Variants in NPAS3 observed in about 807,000 individuals in gnomAD.
The protein encoded by NPAS3 is neuronal PAS domain protein 3, also known as neuronal PAS domain-containing protein 3.
A neutral mutation model predicts 73.1 loss-of-function variants in NPAS3; 14 were observed. The observed-to-expected ratio is 0.19, with a 90% confidence interval of 0.13 to 0.30. The LOEUF is 0.30. Among genes scored for constraint, NPAS3 ranks in the 10% least tolerant of loss-of-function variants. The pLI is 1.00. For synonymous variants in NPAS3, 620 were observed against 541.5 expected (o/e 1.14, Z -2.01); for missense variants, 1,096 against 1,250.0 (o/e 0.88, Z 1.86).
intron 9 of NPAS3, among the ~76,000 whole-genome samples, chr14:33,784,729 A>ATTTT (rs1342325354): frequency 1.0e-4 from 9 of 90,178 alleles, no homozygotes; most frequent in African/African-American, 2.2e-4. Context: ...ATTTTTATTT[A>ATTTT]TTTATTTATT....
At chr14:33,282,210 A>G (rs2140067710) in intron 3 of NPAS3, among the ~76,000 whole-genome samples, 1 of 152,336 alleles carries the variant, frequency 6.6e-6, no homozygotes, top group East Asian at 1.9e-4. Flanking sequence ...TTCAGTTATA[A>G]AGTGGCTTGT....
At chr14:33,420,458 T>TGTGG (rs576989223) in intron 4 of NPAS3, among the ~76,000 whole-genome samples, 3 of 151,936 alleles carry the variant, frequency 2.0e-5, no homozygotes, top group Non-Finnish European at 4.4e-5. Flanking sequence ...TCTAACTGTA[T>TGTGG]GTGGATGCTC....
chr14:32,937,332 T>C (rs2035727811), upstream of NPAS3, among the ~76,000 whole-genome samples: 2 of 152,024 alleles, frequency 1.3e-5, no homozygotes, highest in Admixed American at 6.6e-5. Flanking sequence ...TTTTGAGGAG[T>C]CCGCCGCGGG....
At chr14:33,748,580 C>G (rs1324075207) in intron 7 of NPAS3, among the ~76,000 whole-genome samples, 1 of 152,170 alleles carries the variant, frequency 6.6e-6, no homozygotes, top group African/African-American at 2.4e-5. Flanking sequence ...AACAGAGTGC[C>G]TTAATAGGGG....
At chr14:33,575,098 C>A (rs2056381168) in intron 5 of NPAS3, among the ~76,000 whole-genome samples, 1 of 152,186 alleles carries the variant, frequency 6.6e-6, no homozygotes, top group Non-Finnish European at 1.5e-5. Flanking sequence ...TTAGGAGGTC[C>A]TGCCCCAAGA....
intron 5 of NPAS3, among the ~76,000 whole-genome samples, chr14:33,661,225 T>A (rs1216167311): frequency 6.6e-6 from 1 of 152,108 alleles, no homozygotes; most frequent in African/African-American, 2.4e-5. Context: ...CCCTGCTAAT[T>A]AAGGGTTCCT....
intron 3 of NPAS3, among the ~76,000 whole-genome samples, chr14:33,318,756 G>T (rs2043312688): frequency 6.6e-6 from 1 of 152,046 alleles, no homozygotes; most frequent in Admixed American, 6.6e-5. Flanking sequence ...ATCCTTAATA[G>T]TTAAATTAAC....
intron 4 of NPAS3, among the ~76,000 whole-genome samples, chr14:33,541,175 C>T (rs868826999): frequency 6.6e-6 from 1 of 151,408 alleles, no homozygotes; most frequent in East Asian, 2.0e-4. Context: ...CTGTAATCAG[C>T]AGTTCTAAGT....
At chr14:32,951,999 G>T (rs4982025) in intron 1 of NPAS3, among the ~76,000 whole-genome samples, 104,541 of 151,728 alleles carry the variant, frequency 0.69, 37,640 homozygotes, top group African/African-American at 0.81. Context: ...TATGGTTTCT[G>T]GAAAATTCCC....
intron 1 of NPAS3, among the ~76,000 whole-genome samples, chr14:33,006,974 A>G (rs538592736): frequency 1.3e-5 from 2 of 152,254 alleles, no homozygotes; most frequent in South Asian, 2.1e-4. Context: ...AATTTTGTAA[A>G]CACTAGTTTA....
intron 7 of NPAS3, among the ~76,000 whole-genome samples, chr14:33,769,945 G>A (rs992539299): frequency 2.6e-5 from 4 of 151,332 alleles, no homozygotes; most frequent in Admixed American, 2.0e-4. Context: ...TTCATTTTTT[G>A]TAGAGATGGG....
chr14:33,750,710 CTG>C (rs2061940037), intron 7 of NPAS3, among the ~76,000 whole-genome samples: 1 of 152,072 alleles, frequency 6.6e-6, no homozygotes, highest in African/African-American at 2.4e-5. Context: ...GATTGTGTAC[CTG>C]TTGTGTATTA....
intron 4 of NPAS3, among the ~76,000 whole-genome samples, chr14:33,501,110 T>C (rs1203992573): frequency 6.6e-6 from 1 of 152,014 alleles, no homozygotes; most frequent in Non-Finnish European, 1.5e-5. Flanking sequence ...ATATATTTCC[T>C]TGAAAATAAA....
chr14:33,505,484 A>G (rs2052714271), intron 4 of NPAS3, among the ~76,000 whole-genome samples: 1 of 152,040 alleles, frequency 6.6e-6, no homozygotes. Flanking sequence ...ATGAGTTATT[A>G]AAAGGTCTTT....
At chr14:33,407,436 A>G (rs1422680585) in intron 4 of NPAS3, among the ~76,000 whole-genome samples, 1 of 152,142 alleles carries the variant, frequency 6.6e-6, no homozygotes, top group African/African-American at 2.4e-5. Flanking sequence ...ATCTTCAGTT[A>G]GTCTCAGTTA....
chr14:33,039,169 T>G (rs2040268396), intron 1 of NPAS3, among the ~76,000 whole-genome samples: 1 of 152,188 alleles, frequency 6.6e-6, no homozygotes, highest in African/African-American at 2.4e-5. Context: ...TAAATGATGC[T>G]CATTCTGAGG....
intron 2 of NPAS3, among the ~76,000 whole-genome samples, chr14:33,126,966 C>A (rs1457264814): frequency 6.6e-6 from 1 of 151,984 alleles, no homozygotes; most frequent in East Asian, 1.9e-4. Flanking sequence ...CTTCACCGCT[C>A]AATTTAAAAA....
In NPAS3 at chr14:33,675,981, G is replaced by GAA. The variant is rs370850396; in HGVS notation, c.559-218_559-217dup. 4.5e-3 allele frequency among the ~76,000 whole-genome samples: 616 copies of GAA among 138,092 alleles called. 29 individuals are homozygous for GAA. In the East Asian group the frequency reaches 0.11, roughly 25 times the overall value. 90.6% of individuals were successfully genotyped at this position (138,092 alleles called of 152,430 possible). On this transcript the variant is annotated intron_variant, in intron 5 of 11. Transcript: ENST00000356141. ...CTTTATGCAAACAACAGTGTGTGAG[G>GAA]AAAAAAAAAAAAACTGAGCTTAACA...
intron 8 of NPAS3, among the ~76,000 whole-genome samples, chr14:33,776,870 A>C (rs1219198928): frequency 1.3e-5 from 2 of 152,210 alleles, no homozygotes; most frequent in Admixed American, 6.5e-5. Flanking sequence ...AGACCCTCAA[A>C]TGCCGGGCTA....
Sources: allele counts gnomAD v4.1 joint callset (sites outside exome capture counted in the v4.1 genomes callset), GRCh38; gene constraint gnomAD v4.1.1; transcripts MANE v1.5; gene names NCBI Gene and HGNC (gene_info 2026-07-23, HGNC 2026-07-21).